The following DES variants were observed in gnomAD, a reference collection of about 807,000 sequenced individuals.
DES encodes cardiomyopathy, dilated 1F (autosomal dominant).
Under a neutral mutation model 55.1 loss-of-function variants are expected in DES, and 34 were observed. That is an observed-to-expected ratio of 0.62 (90% CI 0.47 to 0.82). DES has a LOEUF of 0.82. Among genes scored for constraint, DES ranks in the 40% least tolerant of loss-of-function variants. The pLI, the probability that DES is intolerant of heterozygous loss-of-function variation, is 0.00. For missense variants in DES, 596 were observed against 645.9 expected, an observed-to-expected ratio of 0.92 and a Z score of 0.84; for synonymous variants, 259 against 270.8, an observed-to-expected ratio of 0.96 and a Z score of 0.43.
chr2:219,426,289 C>G lies in DES; in HGVS notation c.*299C>G, dbSNP rs1954536920. The G allele has an allele frequency of 1.8e-6, 1 of 556,894 alleles. No homozygotes were observed. Among genetic ancestry groups the G allele is most frequent in the Non-Finnish European group, 3.3e-6 (1 of 307,598 alleles). The allele number at this position is 556,894 out of a possible 1,614,324, so 34.5% of individuals were successfully genotyped here. A position where few individuals can be genotyped will look rare whatever the true frequency, so the allele number is the denominator to read the frequency against. On this transcript the variant is annotated 3_prime_UTR_variant, in exon 9 of 9. Coordinates refer to ENST00000373960, the MANE Select transcript of DES (RefSeq NM_001927.4). This position sits in a 1 kb window ranked among gnomAD's most constrained non-coding sequence, Gnocchi z 4.5. ...CCAGGCGGGAGCGGTGGCCCTGTCC[C>G]TCCCACCTCTGTGACCTCAGGCACT...
At chr2:219,423,466 G>T (rs1313753269) in intron 6 of DES, among the ~76,000 whole-genome samples, 37 of 148,844 alleles carry the variant, frequency 2.5e-4, no homozygotes, top group African/African-American at 8.4e-4. Context: ...TTGAGACAGG[G>T]TCTTGTTCTG....
Position 219,418,788 on chromosome 2 carries a change from A to G in DES, c.326A>G (p.Lys109Arg), listed in dbSNP as rs1488426454. The G allele has an allele frequency of 2.6e-6, 4 of 1,567,924 alleles. No homozygotes were observed. The highest frequency in any genetic ancestry group is 2.6e-6 in the Non-Finnish European group (3 of 1,155,616). ...TTTCTGACCACGCGCACCAACGAGA[A>G]GGTGGAGCTGCAGGAGCTCAATGAC... ...QEFLTTRTNE[K>R]VELQELNDRF... is the part of the protein sequence containing the mutation. The change falls in exon 1 of 9, where the codon AAG (lysine) becomes AGG (arginine). Residue 109 changes from lysine (K) to arginine (R), a missense_variant. Transcript: ENST00000373960.
chr2:219,421,667 CA>C, intron 6 of DES, 107 bp downstream of exon 6: 6 of 1,033,766 alleles, frequency 5.8e-6, no homozygotes, highest in Non-Finnish European at 8.3e-6. Flanking sequence ...GACCTGGAAA[CA>C]ATTTTTTTTT....
Position 219,420,418 on chromosome 2 carries a change from G to C in DES, c.735+72G>C, listed in dbSNP as rs1198177877. ...CAGCCGGAAAGTGGGGTTGGGGTGAGGCTCTGGCTGGGAATAGGGGTGTGA... is the reference window on the plus strand; with the variant it reads ...CAGCCGGAAAGTGGGGTTGGGGTGACGCTCTGGCTGGGAATAGGGGTGTGA... On this transcript the variant is annotated intron_variant, in intron 3 of 8. Transcript: ENST00000373960. This position sits in a 1 kb window ranked among gnomAD's most constrained non-coding sequence, Gnocchi z 6.0. The C allele has an allele frequency of 1.2e-6, 2 of 1,612,594 alleles. No individual in the cohort carries two copies. The highest frequency in any genetic ancestry group is 1.7e-6 in the Non-Finnish European group (2 of 1,179,374).
chr2:219,426,322 G>T lies in DES; in HGVS notation c.*332G>T. The T allele has an allele frequency of 4.0e-6, 2 of 496,014 alleles. No homozygotes were observed. Among genetic ancestry groups the T allele is most frequent in the Admixed American group, 6.5e-5 (2 of 30,778 alleles). 30.7% of individuals were successfully genotyped at this position (496,014 alleles called of 1,614,324 possible). A position where few individuals can be genotyped will look rare whatever the true frequency, so the allele number is the denominator to read the frequency against. On this transcript the variant is annotated 3_prime_UTR_variant, in exon 9 of 9. Transcript: ENST00000373960. The surrounding 1 kb of genome is among the most constrained non-coding windows in gnomAD (Gnocchi z 4.5). ...TCTGTGACCTCAGGCACTAGCCTTTGGCTCTGGAGACAGCCCCAGAGCAGG... is the reference window on the plus strand; with the variant it reads ...TCTGTGACCTCAGGCACTAGCCTTTTGCTCTGGAGACAGCCCCAGAGCAGG...
Position 219,426,187 on chromosome 2 carries a change from C to T in DES, c.*197C>T, listed in dbSNP as rs1291154203. 2.9e-5 allele frequency: 20 copies of T among 698,222 alleles called. No individual in the cohort carries two copies. Among genetic ancestry groups the T allele is most frequent in the South Asian group, 1.6e-4 (10 of 61,162 alleles). The allele number at this position is 698,222 out of a possible 1,614,324, so 43.3% of individuals were successfully genotyped here. A position where few individuals can be genotyped will look rare whatever the true frequency, so the allele number is the denominator to read the frequency against. ...CCCTGCCTGGTCACAGGGCATGCCC[C>T]GGCCACCTCTGCGGACCCCAGCTGT... On this transcript the variant is annotated 3_prime_UTR_variant, in exon 9 of 9. Transcript: ENST00000373960. The surrounding 1 kb of genome is among the most constrained non-coding windows in gnomAD (Gnocchi z 4.5).
intron 8 of DES, 54 bp downstream of exon 8, chr2:219,425,799 G>A (rs918055598): frequency 2.2e-4 from 348 of 1,605,568 alleles, no homozygotes; most frequent in Non-Finnish European, 6.6e-5. Context: ...GATGTGTCTG[G>A]GGGGACTGTC....
chr2:219,423,405 C>A (rs2125170217), intron 6 of DES, among the ~76,000 whole-genome samples: 1 of 150,990 alleles, frequency 6.6e-6, no homozygotes, highest in East Asian at 1.9e-4. Flanking sequence ...CCAGGGTGAG[C>A]CTTGATGGGC....
rs1219621724 is a variant in DES at position 219,418,702 on chromosome 2, C to T, written c.240C>T (p.Pro80=). 3 of 1,568,300 alleles carry T rather than the reference C, an allele frequency of 1.9e-6. No individual in the cohort carries two copies. The highest frequency in any genetic ancestry group is 1.7e-6 in the Non-Finnish European group (2 of 1,156,582). The change falls in exon 1 of 9, where the codon CCC becomes CCT. Residue 80 remains proline, a synonymous_variant. Coordinates refer to ENST00000373960, the MANE Select transcript of DES (RefSeq NM_001927.4). ...RASRLGTTRT[P]SSYGAGELLD... ...GCCGGCTGGGGACCACCCGCACGCCCTCCTCCTACGGCGCAGGCGAGCTGC... is the reference window on the plus strand; with the variant it reads ...GCCGGCTGGGGACCACCCGCACGCCTTCCTCCTACGGCGCAGGCGAGCTGC...
At chr2:219,424,467 A>G (rs1197407138) in intron 7 of DES, among the ~76,000 whole-genome samples, 1 of 152,194 alleles carries the variant, frequency 6.6e-6, no homozygotes, top group Non-Finnish European at 1.5e-5. Flanking sequence ...CTCCTTTCCT[A>G]GATCAAACCT....
Position 219,418,591 on chromosome 2 carries a change from G to T in DES, c.129G>T (p.Lys43Asn). The change falls in exon 1 of 9, where the codon AAG (lysine) becomes AAT (asparagine). Residue 43 changes from lysine to asparagine, a missense_variant. Physicochemically the swap from Lys to Asn is moderately conservative, Grantham distance 94. Coordinates refer to ENST00000373960, the MANE Select transcript of DES (RefSeq NM_001927.4). ...PVFPRAGFGSKGSSSSVTSRV... is the reference protein window; with the variant it reads ...PVFPRAGFGSNGSSSSVTSRV... ...TCCCGCGGGCGGGTTTCGGCTCTAA[G>T]GGCTCCTCCAGCTCGGTGACGTCCC... 6.2e-7 allele frequency: 1 copy of T among 1,605,196 alleles called. No individual in the cohort carries two copies. Among genetic ancestry groups the T allele is most frequent in the African/African-American group, 1.3e-5 (1 of 74,866 alleles).
chr2:219,420,502 G>C lies in DES; in HGVS notation c.743G>C (p.Arg248Pro), dbSNP rs375906682. The C allele has an allele frequency of 6.2e-7, 1 of 1,613,852 alleles. No individual in the cohort carries two copies. The highest frequency in any genetic ancestry group is 2.2e-5 in the East Asian group (1 of 44,870). The part of the protein sequence containing the change: ...FLKKVHEEEI[R>P]ELQAQLQEQQ... ...CCCAGTCATGCCCTACAGGAGATCC[G>C]TGAGTTGCAGGCTCAGCTTCAGGAA... The change falls in exon 4 of 9, where the codon CGT becomes CCT. Residue 248 changes from arginine (R) to proline (P), a missense_variant. Physicochemically the swap from Arg to Pro is moderately radical, Grantham distance 103. Coordinates refer to ENST00000373960, the MANE Select transcript of DES (RefSeq NM_001927.4). The surrounding 1 kb of genome is among the most constrained non-coding windows in gnomAD (Gnocchi z 6.0).
Position 219,421,474 on chromosome 2 carries a change from C to T in DES, c.1158C>T (p.Arg386=), listed in dbSNP as rs774323736. The T allele has an allele frequency of 2.5e-5, 40 of 1,614,082 alleles. No homozygotes were observed. The highest frequency in any genetic ancestry group is 6.6e-5 in the South Asian group (6 of 91,074). Residue 386 remains arginine, a synonymous_variant, in exon 6 of 9, where the codon CGC becomes CGT. Coordinates refer to ENST00000373960, the MANE Select transcript of DES (RefSeq NM_001927.4). ...AGGATGAGATGGCCCGCCATCTGCG[C>T]GAGTACCAGGACCTGCTCAACGTGA... ...HLKDEMARHL[R]EYQDLLNVKM...
In DES at chr2:219,420,782, G is replaced by C; in HGVS notation, c.898-46G>C. On this transcript the variant is annotated intron_variant, in intron 4 of 8. Transcript: ENST00000373960. The surrounding 1 kb of genome is among the most constrained non-coding windows in gnomAD (Gnocchi z 6.0). Reference sequence around the variant, plus strand: ...CATGCTCCCTTGCTCATCCCTACCCGTGCCCTGCATCCTTCTCATTTTTGG... The same window carrying C: ...CATGCTCCCTTGCTCATCCCTACCCCTGCCCTGCATCCTTCTCATTTTTGG... 6.2e-7 allele frequency: 1 copy of C among 1,613,364 alleles called. No individual in the cohort carries two copies. Among genetic ancestry groups the C allele is most frequent in the Non-Finnish European group, 8.5e-7 (1 of 1,179,946 alleles).
Position 219,419,088 on chromosome 2 carries a change from G to T in DES, c.578+48G>T. The T allele has an allele frequency of 6.5e-7, 1 of 1,535,280 alleles. No homozygotes were observed. The highest frequency in any genetic ancestry group is 8.7e-7 in the Non-Finnish European group (1 of 1,146,518). ...TCCTCTTTCTGCGGGCAGGGCACAG[G>T]AGGCTAGGCCTGGGGTCTGGGGTCC... is the stretch of plus-strand genomic sequence containing the variant. On this transcript the variant is annotated intron_variant, in intron 1 of 8. Coordinates refer to ENST00000373960, the MANE Select transcript of DES (RefSeq NM_001927.4). This position sits in a 1 kb window ranked among gnomAD's most constrained non-coding sequence, Gnocchi z 4.3.
intron 6 of DES, among the ~76,000 whole-genome samples, chr2:219,423,482 C>A (rs1424956167): frequency 6.6e-6 from 1 of 150,560 alleles, no homozygotes; most frequent in Non-Finnish European, 1.5e-5. Context: ...TTCTGTCCCC[C>A]AGGCTGGAGT....
chr2:219,425,072 T>A (rs561495369), intron 7 of DES: 1 of 153,452 alleles, frequency 6.5e-6, no homozygotes, highest in Non-Finnish European at 1.5e-5. Flanking sequence ...CTAATTTTTG[T>A]ATTTTTAGTA....
chr2:219,420,783 T>G lies in DES; in HGVS notation c.898-45T>G. Reference sequence around the variant, plus strand: ...ATGCTCCCTTGCTCATCCCTACCCGTGCCCTGCATCCTTCTCATTTTTGGG... The same window carrying G: ...ATGCTCCCTTGCTCATCCCTACCCGGGCCCTGCATCCTTCTCATTTTTGGG... On this transcript the variant is annotated intron_variant, in intron 4 of 8. Transcript: ENST00000373960. The surrounding 1 kb of genome is among the most constrained non-coding windows in gnomAD (Gnocchi z 6.0). 3 of 1,613,544 alleles carry G rather than the reference T, an allele frequency of 1.9e-6. No individual in the cohort carries two copies. Among genetic ancestry groups the G allele is most frequent in the Non-Finnish European group, 2.5e-6 (3 of 1,179,972 alleles).
rs1333882878 is a variant in DES, at chr2:219,419,508, C to G, written c.578+468C>G. ...GCTCTCAGCTCAGCTGTGATGAGGC[C>G]CTGGGGGAGGTGGGGGGAGGGGGGA... On this transcript the variant is annotated intron_variant, in intron 1 of 8. Coordinates refer to ENST00000373960, the MANE Select transcript of DES (RefSeq NM_001927.4). The surrounding 1 kb of genome is among the most constrained non-coding windows in gnomAD (Gnocchi z 4.3). 2.0e-5 allele frequency among the ~76,000 whole-genome samples: 3 copies of G among 151,012 alleles called. No individual in the cohort carries two copies. The highest frequency in any genetic ancestry group is 4.4e-5 in the Non-Finnish European group (3 of 67,842).
Sources: gnomAD v4.1 joint callset for allele counts (sites outside exome capture counted in the v4.1 genomes callset) on GRCh38, gnomAD v4.1.1 for gene constraint, Gnocchi (gnomAD v3.1) non-coding constraint, MANE v1.5 for transcripts, NCBI Gene and HGNC (gene_info 2026-07-23, HGNC 2026-07-21) for gene names.